The following ABCC12 variants were observed in gnomAD, a reference collection of about 807,000 sequenced individuals.
ABCC12 encodes the protein ATP binding cassette subfamily C member 12.
A neutral mutation model predicts 151.1 loss-of-function variants in ABCC12; 142 were observed. The observed-to-expected ratio is 0.94, with a 90% CI of 0.82 to 1.08. ABCC12 has a LOEUF of 1.08. Ranked by LOEUF, ABCC12 falls within the 50% of genes least tolerant of loss-of-function variation. The pLI is 0.00. For synonymous variants in ABCC12, 645 were observed against 646.4 expected (o/e 1.00, Z 0.03); for missense variants, 1,638 against 1,691.1 (o/e 0.97, Z 0.55).
intron 13 of ABCC12, among the ~76,000 whole-genome samples, chr16:48,118,601 G>A (rs980071117): frequency 2.0e-4 from 31 of 152,192 alleles, no homozygotes; most frequent in Non-Finnish European, 1.5e-4. Flanking sequence ...GTAACAATGG[G>A]CAGGCCTCAC....
chr16:48,091,038 T>G, intron 25 of ABCC12, 82 bp downstream of exon 25: 1 of 1,368,360 alleles, frequency 7.3e-7, no homozygotes, highest in Non-Finnish European at 1.0e-6. Context: ...AAAGACCCCT[T>G]TCGCATCTAA....
rs377198709 is a variant in ABCC12, at chr16:48,139,259, C to A, written c.735G>T (p.Pro245=). Residue 245 remains proline, a synonymous_variant, in exon 7 of 31, where the codon CCG becomes CCT. Transcript: ENST00000311303. The part of the protein sequence containing the change: ...ALFCPLPATI[P]ILMVFCAAYA... ...ACGCCGCACAAAAGACCATTAGGAT[C>A]GGGATGGTGGCTGGCAAAGGACAAA... 2.5e-6 allele frequency: 4 copies of A among 1,613,968 alleles called. No homozygotes were observed. The highest frequency in any genetic ancestry group is 3.4e-6 in the Non-Finnish European group (4 of 1,179,998).
At position 48,087,949 on chromosome 16, in the gene ABCC12, AGGATCCT is replaced by A; in HGVS notation, c.3605_3611del (p.Gln1202LeufsTer5). Reference sequence around the variant, plus strand: ...ACCTTACTGTACCTACAAACAGGACAGGATCCTGTGGGATCACAGTCAGCTTGGTTCT... The same window carrying A: ...ACCTTACTGTACCTACAAACAGGACAGTGGGATCACAGTCAGCTTGGTTCT... On this transcript the variant is annotated frameshift_variant, in exon 27 of 31. Coordinates refer to ENST00000311303, the MANE Select transcript of ABCC12 (RefSeq NM_001393797.1). LOFTEE classifies it high-confidence loss of function. The A allele has an allele frequency of 5.0e-6, 8 of 1,614,096 alleles. No individual in the cohort carries two copies. Among genetic ancestry groups the A allele is most frequent in the Non-Finnish European group, 2.5e-6 (3 of 1,179,966 alleles).
At chr16:48,114,495 G>A (rs1963807478) in intron 15 of ABCC12, among the ~76,000 whole-genome samples, 1 of 152,134 alleles carries the variant, frequency 6.6e-6, no homozygotes, top group Admixed American at 6.5e-5. Flanking sequence ...CATGTTCTCT[G>A]CAGGTAGCAG....
At chr16:48,121,873 C>T in intron 12 of ABCC12, 33 bp from the exon 13 acceptor site, 1 of 1,612,874 alleles carries the variant, frequency 6.2e-7, no homozygotes, top group Non-Finnish European at 8.5e-7. Flanking sequence ...GCTTCAGGAG[C>T]CAAGCCTTGA....
chr16:48,132,056 T>G (rs1964445093), intron 9 of ABCC12, among the ~76,000 whole-genome samples: 1 of 152,164 alleles, frequency 6.6e-6, no homozygotes, highest in Non-Finnish European at 1.5e-5. Context: ...GCAAATTTGG[T>G]TTTGGTCTAG....
chr16:48,128,495 T>A lies in ABCC12; in HGVS notation c.1479A>T (p.Lys493Asn). ...TGPEEQSDSL[K>N]SVLHSISFVV... ...CAAAGCTTATGCTGTGCAGAACCGA[T>A]TTGAGGCTGTCACTTTGCTCCTCTG... Residue 493 changes from lysine to asparagine, a missense_variant, in exon 11 of 31, where the codon AAA becomes AAT. Lys to Asn is a moderately conservative substitution (Grantham distance 94, BLOSUM62 0). Coordinates refer to ENST00000311303, the MANE Select transcript of ABCC12 (RefSeq NM_001393797.1). 1 of 1,614,224 alleles carries A rather than the reference T, an allele frequency of 6.2e-7. No individual in the cohort carries two copies. The highest frequency in any genetic ancestry group is 8.5e-7 in the Non-Finnish European group (1 of 1,180,030).
intron 2 of ABCC12, chr16:48,146,728 C>T: frequency 3.6e-6 from 1 of 275,758 alleles, no homozygotes; most frequent in South Asian, 6.4e-5. Flanking sequence ...GCAGAAAACC[C>T]TATGGTGTGG....
At chr16:48,096,649 G>C (rs760457854) in intron 24 of ABCC12, 97 bp downstream of exon 24, 1 of 1,267,862 alleles carries the variant, frequency 7.9e-7, no homozygotes, top group South Asian at 1.3e-5. Flanking sequence ...AAACCCATTC[G>C]AGTTGGGGTT....
intron 2 of ABCC12, among the ~76,000 whole-genome samples, chr16:48,147,364 T>A (rs1965037506): frequency 6.6e-6 from 1 of 152,086 alleles, no homozygotes; most frequent in Admixed American, 6.6e-5. Context: ...ATAGATAAAT[T>A]CTCCTTTTTT....
chr16:48,109,351 G>C (rs1338406263), intron 18 of ABCC12, among the ~76,000 whole-genome samples: 1 of 152,174 alleles, frequency 6.6e-6, no homozygotes, highest in Non-Finnish European at 1.5e-5. Context: ...GAAAATGACT[G>C]TCAAGTTCTC....
chr16:48,139,560 G>A (rs1964734941), intron 6 of ABCC12, among the ~76,000 whole-genome samples: 1 of 152,172 alleles, frequency 6.6e-6, no homozygotes, highest in Non-Finnish European at 1.5e-5. Context: ...GAAAGACAAA[G>A]TGTAATGTTA....
At chr16:48,140,557 A>T in intron 6 of ABCC12, 130 bp downstream of exon 6, 1 of 851,478 alleles carries the variant, frequency 1.2e-6, no homozygotes, top group Non-Finnish European at 1.9e-6. Context: ...TAGCCAGGAG[A>T]TGGGACATGA....
At chr16:48,108,259 A>G (rs191517223) in intron 19 of ABCC12, among the ~76,000 whole-genome samples, 181 bp downstream of exon 19, 1 of 152,364 alleles carries the variant, frequency 6.6e-6, no homozygotes, top group Non-Finnish European at 1.5e-5. Context: ...GAATGATTCC[A>G]TTTAAAAGGC....
At chr16:48,118,376 T>C (rs1278192313) in intron 13 of ABCC12, among the ~76,000 whole-genome samples, 1 of 152,318 alleles carries the variant, frequency 6.6e-6, no homozygotes, top group Non-Finnish European at 1.5e-5. Flanking sequence ...CACAGCCGCC[T>C]TGGGGACCCA....
intron 18 of ABCC12, among the ~76,000 whole-genome samples, chr16:48,109,461 G>A (rs1415036968): frequency 2.0e-5 from 3 of 152,326 alleles, no homozygotes; most frequent in South Asian, 4.1e-4. Flanking sequence ...AGAGAAATGC[G>A]AAAATGTCGA....
intron 20 of ABCC12, among the ~76,000 whole-genome samples, chr16:48,107,026 G>C (rs1440873861): frequency 6.6e-6 from 1 of 152,220 alleles, no homozygotes; most frequent in Non-Finnish European, 1.5e-5. Context: ...AAGAGAGGCT[G>C]TGAAACTGAC....
Position 48,128,714 on chromosome 16 carries a change from G to A in ABCC12, c.1260C>T (p.Pro420=), listed in dbSNP as rs367825452. The change falls in exon 11 of 31, where the codon CCC becomes CCT. Residue 420 remains proline, a synonymous_variant. Transcript: ENST00000311303. ...RMKKILIDKS[P]PSYITQPEDP... is the part of the protein sequence containing the mutation. ...CTTCTGGTTGGGTGATGTAAGATGG[G>A]GGGCTTTTATCTATGAGAATTTTCT... 5 of 1,613,518 alleles carry A rather than the reference G, an allele frequency of 3.1e-6. No homozygotes were observed. The highest frequency in any genetic ancestry group is 4.5e-5 in the East Asian group (2 of 44,874).
At chr16:48,152,010 G>A (rs1019949108) in intron 2 of ABCC12, among the ~76,000 whole-genome samples, 3 of 152,200 alleles carry the variant, frequency 2.0e-5, no homozygotes, top group Non-Finnish European at 4.4e-5. Flanking sequence ...TGGTGTGCCC[G>A]TGTCATGGGG....
Sources: gnomAD v4.1 joint callset for allele counts (sites outside exome capture counted in the v4.1 genomes callset) on GRCh38, gnomAD v4.1.1 for gene constraint, MANE v1.5 for transcripts, NCBI Gene and HGNC (gene_info 2026-07-23, HGNC 2026-07-21) for gene names.